The following MACROD2 variants were observed in gnomAD, a reference collection of about 807,000 sequenced individuals.
MACROD2 encodes the protein ADP-ribose glycohydrolase MACROD2.
A neutral mutation model predicts 70.4 loss-of-function variants in MACROD2; 36 were observed. The observed-to-expected ratio is 0.51, with a 90% CI of 0.39 to 0.68. MACROD2 has a LOEUF of 0.68. Ranked by LOEUF, MACROD2 falls within the 30% of genes least tolerant of loss-of-function variation. MACROD2 has a pLI of 0.00. For missense variants in MACROD2, 496 were observed against 538.4 expected (o/e 0.92, Z 0.78); for synonymous variants, 172 against 178.8 (o/e 0.96, Z 0.30).
Position 14,654,359 on chromosome 20 carries a change from C to T in MACROD2, c.302-30484C>T, listed in dbSNP as rs1279624499. Among the ~76,000 whole-genome samples the T allele has an allele frequency of 2.0e-5, 3 of 151,462 alleles. No homozygotes were observed. In the South Asian group the frequency reaches 6.3e-4, roughly 32 times the overall value. On this transcript the variant is annotated intron_variant, in intron 4 of 17. Coordinates refer to ENST00000684519, the MANE Select transcript of MACROD2 (RefSeq NM_001351661.2). ...GTCAGGAGTTCAAGAGCAGCCTGGCCAACATGGTGAAACCCAGTCTCTGCT... is the reference window on the plus strand; with the variant it reads ...GTCAGGAGTTCAAGAGCAGCCTGGCTAACATGGTGAAACCCAGTCTCTGCT...
At chr20:14,005,226 C>A (rs1031781057) in intron 2 of MACROD2, among the ~76,000 whole-genome samples, 19 of 151,636 alleles carry the variant, frequency 1.3e-4, no homozygotes, top group African/African-American at 4.6e-4. Context: ...TATTGGAAAG[C>A]CATGGATTGG....
chr20:15,229,237 T>C (rs2076938562), intron 5 of MACROD2, among the ~76,000 whole-genome samples: 1 of 152,218 alleles, frequency 6.6e-6, no homozygotes, highest in East Asian at 1.9e-4. Context: ...TTTTGTATTT[T>C]TCAACATAAA....
chr20:14,550,186 G>A (rs1486657719), intron 4 of MACROD2, among the ~76,000 whole-genome samples: 2 of 152,096 alleles, frequency 1.3e-5, no homozygotes, highest in Non-Finnish European at 2.9e-5. Context: ...GCTTCCCAAA[G>A]TGTTGGGATT....
intron 6 of MACROD2, among the ~76,000 whole-genome samples, chr20:15,368,707 C>A (rs2045447459): frequency 6.6e-6 from 1 of 152,170 alleles, no homozygotes; most frequent in Non-Finnish European, 1.5e-5. Context: ...AAGTGATCCA[C>A]CCTCCTTGTC....
chr20:14,905,058 T>G (rs1021027167), intron 5 of MACROD2: 4 of 152,186 alleles, frequency 2.6e-5, no homozygotes, highest in Non-Finnish European at 4.4e-5. Flanking sequence ...AGCAGCTTTA[T>G]TGTTGTTAAA....
intron 4 of MACROD2, among the ~76,000 whole-genome samples, chr20:14,553,563 G>A (rs2123269838): frequency 6.6e-6 from 1 of 152,142 alleles, no homozygotes; most frequent in African/African-American, 2.4e-5. Flanking sequence ...ATGACTGGCA[G>A]CACAGTAGGT....
At chr20:14,270,594 A>C (rs527355197) in intron 3 of MACROD2, among the ~76,000 whole-genome samples, 26 of 151,972 alleles carry the variant, frequency 1.7e-4, no homozygotes, top group Middle Eastern at 3.4e-3. Context: ...TCTCAAAAAA[A>C]AAAAAAAAAG....
At chr20:15,279,696 A>G (rs112743115) in intron 6 of MACROD2, among the ~76,000 whole-genome samples, 238 of 152,330 alleles carry the variant, frequency 1.6e-3, no homozygotes, top group Middle Eastern at 3.4e-3. Flanking sequence ...AATTAGTTCT[A>G]TCTACAAATA....
chr20:15,517,977 G>A (rs1003014618), intron 8 of MACROD2, among the ~76,000 whole-genome samples: 1 of 152,222 alleles, frequency 6.6e-6, no homozygotes, highest in Non-Finnish European at 1.5e-5. Flanking sequence ...ATAACGTGCA[G>A]GCACAGACCA....
chr20:14,605,544 G>A (rs1250290815), intron 4 of MACROD2, among the ~76,000 whole-genome samples: 1 of 152,028 alleles, frequency 6.6e-6, no homozygotes, highest in Non-Finnish European at 1.5e-5. Context: ...GTCTTTTATG[G>A]GCAACAAAGT....
At chr20:14,147,464 G>T (rs1484218014) in intron 3 of MACROD2, among the ~76,000 whole-genome samples, 1 of 152,104 alleles carries the variant, frequency 6.6e-6, no homozygotes, top group African/African-American at 2.4e-5. Flanking sequence ...AGCTCCTAAT[G>T]TTAACTATCA....
At chr20:14,159,348 T>G (rs1450639728) in intron 3 of MACROD2, among the ~76,000 whole-genome samples, 3 of 152,226 alleles carry the variant, frequency 2.0e-5, no homozygotes, top group African/African-American at 7.2e-5. Flanking sequence ...CAATATTAAT[T>G]CTTCCCATCC....
chr20:15,497,598 C>T (rs1333113481), intron 7 of MACROD2, among the ~76,000 whole-genome samples: 1 of 152,072 alleles, frequency 6.6e-6, no homozygotes, highest in Non-Finnish European at 1.5e-5. Flanking sequence ...CCGCCTCCTT[C>T]TCCTTCTTTG....
chr20:15,535,728 C>T (rs977360639), intron 8 of MACROD2, among the ~76,000 whole-genome samples: 7 of 152,200 alleles, frequency 4.6e-5, no homozygotes, highest in Non-Finnish European at 8.8e-5. Flanking sequence ...CGTCTCCCAC[C>T]TCTGGGTTTC....
At chr20:16,006,627 T>C (rs1429125407) in intron 15 of MACROD2, among the ~76,000 whole-genome samples, 1 of 152,160 alleles carries the variant, frequency 6.6e-6, no homozygotes, top group Non-Finnish European at 1.5e-5. Context: ...AGTGCTTAAG[T>C]GTGTGAAGCA....
At chr20:14,404,855 A>G (rs1043527051) in intron 3 of MACROD2, among the ~76,000 whole-genome samples, 1 of 152,100 alleles carries the variant, frequency 6.6e-6, no homozygotes, top group Non-Finnish European at 1.5e-5. Context: ...AGTATCTATC[A>G]GTAATTACAA....
At chr20:15,648,430 T>C (rs1225905149) in intron 8 of MACROD2, among the ~76,000 whole-genome samples, 1 of 152,168 alleles carries the variant, frequency 6.6e-6, no homozygotes, top group African/African-American at 2.4e-5. Flanking sequence ...GGCCTCCTCA[T>C]TTATTTCTCA....
At chr20:15,486,522 A>T (rs764943908) in intron 7 of MACROD2, among the ~76,000 whole-genome samples, 1 of 152,210 alleles carries the variant, frequency 6.6e-6, no homozygotes, top group Non-Finnish European at 1.5e-5. Context: ...CGGTGAAGAC[A>T]TTGAGGAATA....
intron 12 of MACROD2, among the ~76,000 whole-genome samples, chr20:15,951,618 A>G (rs1343055323): frequency 1.3e-5 from 2 of 152,220 alleles, no homozygotes; most frequent in African/African-American, 2.4e-5. Flanking sequence ...ACAAGGGGCA[A>G]TGACACTCAC....
Sources: gnomAD v4.1 joint callset for allele counts (sites outside exome capture counted in the v4.1 genomes callset) on GRCh38, gnomAD v4.1.1 for gene constraint, MANE v1.5 for transcripts, NCBI Gene and HGNC (gene_info 2026-07-23, HGNC 2026-07-21) for gene names.